The following NRXN3 variants were observed in gnomAD, a reference collection of about 807,000 sequenced individuals.
The protein encoded by NRXN3 is neurexin III.
A neutral mutation model predicts 137.6 loss-of-function variants in NRXN3; 32 were observed. The ratio of observed to expected loss-of-function variants is 0.23; its 90% CI spans 0.18 to 0.31. NRXN3 has a LOEUF of 0.31. NRXN3 is among the 10% of genes least tolerant of loss of function. NRXN3 has a pLI of 1.00. For missense variants in NRXN3, 1,574 were observed against 2,062.5 expected (o/e 0.76, Z 4.59); for synonymous variants, 798 against 784.5 (o/e 1.02, Z -0.29).
chr14:78,832,404 G>A (rs2098985028), intron 10 of NRXN3, among the ~76,000 whole-genome samples: 2 of 152,162 alleles, frequency 1.3e-5, no homozygotes, highest in Admixed American at 6.5e-5. Flanking sequence ...TAATTACACA[G>A]CATTCAGGTA....
At chr14:79,804,690 A>G (rs759233) in intron 19 of NRXN3, among the ~76,000 whole-genome samples, 15,376 of 152,210 alleles carry the variant, frequency 0.1, 1,074 homozygotes, top group African/African-American at 0.19. Flanking sequence ...ACCACACACC[A>G]TAAGGATTGA....
intron 15 of NRXN3, among the ~76,000 whole-genome samples, chr14:79,348,560 G>T (rs2093026170): frequency 6.6e-6 from 1 of 151,992 alleles, no homozygotes; most frequent in African/African-American, 2.4e-5. Flanking sequence ...GTATTTTTTA[G>T]TAGAGACAGG....
chr14:79,531,394 G>A (rs1013884830), intron 16 of NRXN3, among the ~76,000 whole-genome samples: 2 of 152,110 alleles, frequency 1.3e-5, no homozygotes, highest in Non-Finnish European at 2.9e-5. Context: ...ACTTAATGAA[G>A]GGTAGAACAT....
intron 14 of NRXN3, among the ~76,000 whole-genome samples, chr14:78,983,862 A>G (rs1013749799): frequency 1.3e-5 from 2 of 150,860 alleles, no homozygotes; most frequent in Non-Finnish European, 3.0e-5. Flanking sequence ...TTTAAAAAAA[A>G]AAAAAAAAAA....
At chr14:79,396,127 T>C (rs2153480921) in intron 15 of NRXN3, among the ~76,000 whole-genome samples, 1 of 152,182 alleles carries the variant, frequency 6.6e-6, no homozygotes, top group Admixed American at 6.5e-5. Context: ...TTTTCCTATA[T>C]AATCCATTAT....
chr14:78,587,774 C>T (rs1436098284), intron 4 of NRXN3, among the ~76,000 whole-genome samples: 1 of 152,172 alleles, frequency 6.6e-6, no homozygotes, highest in East Asian at 1.9e-4. Context: ...AGGGCATCAT[C>T]ATGAATATAA....
rs527915693 is a variant in NRXN3, at chr14:79,136,181, A to C, written c.3262+148040A>C. On this transcript the variant is annotated intron_variant, in intron 15 of 20. Transcript: ENST00000335750. ...ATAAAATCACTGAAGGTTGGTGCCT[A>C]TGGTTATGTCAGTGGCCTCTATGAT... is the stretch of plus-strand genomic sequence containing the variant. Among the ~76,000 whole-genome samples, 3 of 152,334 alleles carry C rather than the reference A, an allele frequency of 2.0e-5. No individual in the cohort carries two copies. In the South Asian group the frequency reaches 6.2e-4, roughly 32 times the overall value.
At chr14:79,634,824 C>T (rs178351) in intron 16 of NRXN3, among the ~76,000 whole-genome samples, 21,788 of 152,120 alleles carry the variant, frequency 0.14, 2,115 homozygotes, top group African/African-American at 0.27. Flanking sequence ...ATCGCCACCA[C>T]GTCTAGCCTC....
chr14:78,334,824 A>G (rs1312032478), intron 4 of NRXN3, among the ~76,000 whole-genome samples: 2 of 152,078 alleles, frequency 1.3e-5, no homozygotes, highest in African/African-American at 2.4e-5. Flanking sequence ...GAGCTTACCT[A>G]TTGTAGAAAA....
At chr14:79,062,970 AGTAT>A (rs1407571754) in intron 15 of NRXN3, among the ~76,000 whole-genome samples, 4 of 152,142 alleles carry the variant, frequency 2.6e-5, no homozygotes, top group African/African-American at 9.7e-5. Flanking sequence ...TAATTTGTAT[AGTAT>A]GTATTTTGAG....
intron 4 of NRXN3, among the ~76,000 whole-genome samples, chr14:78,355,748 C>T (rs1397252911): frequency 6.6e-6 from 1 of 152,200 alleles, no homozygotes; most frequent in Non-Finnish European, 1.5e-5. Flanking sequence ...GCTGTTCCCT[C>T]TACCTAGAAT....
At chr14:79,099,794 C>G (rs1227874631) in intron 15 of NRXN3, among the ~76,000 whole-genome samples, 1 of 152,100 alleles carries the variant, frequency 6.6e-6, no homozygotes, top group Non-Finnish European at 1.5e-5. Flanking sequence ...GGTTTCTGTT[C>G]ACTGGAAAAT....
At chr14:79,206,882 G>A (rs764855750) in intron 15 of NRXN3, among the ~76,000 whole-genome samples, 3 of 152,064 alleles carry the variant, frequency 2.0e-5, no homozygotes, top group Non-Finnish European at 4.4e-5. Context: ...TAACGTACAA[G>A]TCTTAGTGTT....
At chr14:78,650,793 C>T (rs1486060023) in intron 5 of NRXN3, among the ~76,000 whole-genome samples, 1 of 152,142 alleles carries the variant, frequency 6.6e-6, no homozygotes, top group African/African-American at 2.4e-5. Context: ...TTCACTACCA[C>T]CATGAATAAC....
chr14:78,514,795 A>G (rs1302611154), intron 4 of NRXN3, among the ~76,000 whole-genome samples: 1 of 152,164 alleles, frequency 6.6e-6, no homozygotes, highest in African/African-American at 2.4e-5. Flanking sequence ...ACCATTGTAG[A>G]GAGGAAAATC....
intron 16 of NRXN3, among the ~76,000 whole-genome samples, chr14:79,508,302 G>A (rs2096896788): frequency 6.6e-6 from 1 of 151,212 alleles, no homozygotes; most frequent in Non-Finnish European, 1.5e-5. Context: ...ATACTTTTCG[G>A]CTTCCAGTGA....
chr14:78,839,608 C>G (rs1015834877), intron 10 of NRXN3, among the ~76,000 whole-genome samples: 2 of 152,146 alleles, frequency 1.3e-5, no homozygotes, highest in South Asian at 4.1e-4. Context: ...GACTACTCTT[C>G]GAGTGAGATA....
chr14:78,584,893 A>G (rs61475759), intron 4 of NRXN3, among the ~76,000 whole-genome samples: 1,593 of 152,252 alleles, frequency 0.01, 26 homozygotes, highest in African/African-American at 0.036. Context: ...AAACTAGATG[A>G]TGGTATTATA....
intron 20 of NRXN3, among the ~76,000 whole-genome samples, chr14:79,817,343 G>T (rs551897204): frequency 6.6e-6 from 1 of 152,104 alleles, no homozygotes; most frequent in Non-Finnish European, 1.5e-5. Flanking sequence ...ATGAGCCACC[G>T]TTCCGGGCCT....
Sources: gnomAD v4.1 joint callset for allele counts (sites outside exome capture counted in the v4.1 genomes callset) on GRCh38, gnomAD v4.1.1 for gene constraint, MANE v1.5 for transcripts, NCBI Gene and HGNC (gene_info 2026-07-23, HGNC 2026-07-21) for gene names.